LRP5: variants seen among roughly 807,000 people sequenced by gnomAD.
LRP5 encodes the protein low-density lipoprotein receptor-related protein 5.
In LRP5, 62 loss-of-function variants were observed where a neutral mutation model predicts 154.1. The ratio of observed to expected loss-of-function variants is 0.40; its 90% CI spans 0.33 to 0.50. LRP5 has a LOEUF of 0.50. Ranked by LOEUF, LRP5 falls within the 20% of genes least tolerant of loss-of-function variation. LRP5 has a pLI of 0.55. For missense variants in LRP5, 1,915 were observed against 2,336.7 expected (o/e 0.82, Z 3.72); for synonymous variants, 966 against 1,011.5 (o/e 0.96, Z 0.85).
chr11:68,433,119 C>T (rs1187163691), intron 17 of LRP5, among the ~76,000 whole-genome samples: 3 of 152,214 alleles, frequency 2.0e-5, no homozygotes, highest in Non-Finnish European at 2.9e-5. Context: ...TGTAGCAGTC[C>T]CACACCCGCA....
At chr11:68,405,574 A>G (rs760162335) in intron 8 of LRP5, among the ~76,000 whole-genome samples, 4 of 152,120 alleles carry the variant, frequency 2.6e-5, no homozygotes, top group African/African-American at 4.8e-5. Context: ...GATAAGACAA[A>G]AGGGTGCCTC....
chr11:68,361,033 C>A (rs1303394134), intron 3 of LRP5, among the ~76,000 whole-genome samples: 1 of 120,632 alleles, frequency 8.3e-6, no homozygotes, highest in African/African-American at 3.1e-5. Flanking sequence ...AGGCTGGGCG[C>A]GGTGGCTCAC....
intron 10 of LRP5, among the ~76,000 whole-genome samples, chr11:68,411,045 G>A (rs554097279): frequency 3.9e-5 from 6 of 152,270 alleles, no homozygotes; most frequent in African/African-American, 1.4e-4. Flanking sequence ...ATCCCGCAAG[G>A]CCTCCCCTGC....
At chr11:68,330,306 T>G (rs922493937) in intron 1 of LRP5, among the ~76,000 whole-genome samples, 3 of 151,028 alleles carry the variant, frequency 2.0e-5, no homozygotes, top group Non-Finnish European at 4.4e-5. Flanking sequence ...TAAAACACAG[T>G]TAGTGGAGGA....
At chr11:68,376,977 T>C (rs1321875481) in intron 5 of LRP5, among the ~76,000 whole-genome samples, 1 of 152,164 alleles carries the variant, frequency 6.6e-6, no homozygotes, top group Non-Finnish European at 1.5e-5. Flanking sequence ...CAAGGGGGTG[T>C]GAGTGTTTAG....
At chr11:68,310,481 G>A (rs1480222236), upstream of LRP5, among the ~76,000 whole-genome samples, 2 of 152,148 alleles carry the variant, frequency 1.3e-5, no homozygotes. Context: ...TAAGCTGGGC[G>A]TGGTGGCACA....
chr11:68,405,013 G>A (rs910552181), intron 8 of LRP5, among the ~76,000 whole-genome samples: 2 of 150,340 alleles, frequency 1.3e-5, no homozygotes, highest in African/African-American at 4.9e-5. Flanking sequence ...AAAAAAATTA[G>A]TCTGGGTGTG....
rs59893808 is a variant in LRP5 at position 68,319,072 on chromosome 11, G to GTTTTT, written c.91+6286_91+6290dup. Among the ~76,000 whole-genome samples the GTTTTT allele has an allele frequency of 7.6e-5, 7 of 92,248 alleles. No homozygotes were observed. In the East Asian group the frequency reaches 1.5e-3, roughly 20 times the overall value. The allele number at this position is 92,248 out of a possible 152,430, so 60.5% of individuals were successfully genotyped here. On this transcript the variant is annotated intron_variant, in intron 1 of 22. Transcript: ENST00000294304. The stretch of plus-strand genomic sequence containing the variant: ...CTCACCCCACCGTGCCTGGCTCCTT[G>GTTTTT]TTTTTTTTTTTTTTTTTTTTTTTGA...
rs1223467551 is a variant in LRP5 at position 68,411,496 on chromosome 11, G to A, written c.2379G>A (p.Gly793=). The A allele has an allele frequency of 6.2e-7, 1 of 1,613,626 alleles. No homozygotes were observed. The highest frequency in any genetic ancestry group is 1.7e-5 in the Admixed American group (1 of 60,028). The change falls in exon 11 of 23, where the codon GGG becomes GGA. Residue 793 remains glycine, a synonymous_variant. Coordinates refer to ENST00000294304, the MANE Select transcript of LRP5 (RefSeq NM_002335.4). ...KPRIVRAFMD[G]TNCMTLVDKV... ...GGATCGTGCGGGCCTTCATGGACGG[G>A]ACCAACTGCATGACGCTGGTGGACA...
intron 21 of LRP5, among the ~76,000 whole-genome samples, chr11:68,443,544 CATATATATATAT>C (rs1157048489): frequency 1.7e-3 from 39 of 22,316 alleles, no homozygotes; most frequent in Non-Finnish European, 2.1e-3. Context: ...TCTTTTATGG[CATATATATATAT>C]ATATATATAT....
intron 16 of LRP5, among the ~76,000 whole-genome samples, chr11:68,429,282 G>T (rs2153176073): frequency 6.6e-6 from 1 of 152,232 alleles, no homozygotes; most frequent in South Asian, 2.1e-4. Flanking sequence ...AGAGACAAGT[G>T]GGCAGTTCAG....
intron 20 of LRP5, among the ~76,000 whole-genome samples, chr11:68,438,928 A>T (rs992434344): frequency 6.6e-6 from 1 of 152,190 alleles, no homozygotes; most frequent in African/African-American, 2.4e-5. Context: ...AGCTCCTTGG[A>T]CTTGACCTTC....
chr11:68,334,793 G>A (rs1040565974), intron 1 of LRP5, among the ~76,000 whole-genome samples: 1 of 152,144 alleles, frequency 6.6e-6, no homozygotes, highest in South Asian at 2.1e-4. Context: ...TTGAACCTGG[G>A]AGGCGGAGGT....
At chr11:68,337,134 T>C (rs2098606136) in intron 1 of LRP5, among the ~76,000 whole-genome samples, 1 of 152,242 alleles carries the variant, frequency 6.6e-6, no homozygotes. Flanking sequence ...CCCAGGTGTT[T>C]CTGAAGGAGA....
At chr11:68,396,466 C>T (rs949303430) in intron 7 of LRP5, among the ~76,000 whole-genome samples, 3 of 152,182 alleles carry the variant, frequency 2.0e-5, no homozygotes, top group African/African-American at 7.2e-5. Context: ...CCTTTGAACA[C>T]AATCAGGCTC....
intron 3 of LRP5, among the ~76,000 whole-genome samples, chr11:68,358,883 A>G (rs764036869): frequency 6.6e-6 from 1 of 152,192 alleles, no homozygotes; most frequent in Non-Finnish European, 1.5e-5. Flanking sequence ...GGCAGACCCC[A>G]TTCCTGCACT....
At chr11:68,362,322 T>A (rs945573230) in intron 3 of LRP5, among the ~76,000 whole-genome samples, 8 of 152,160 alleles carry the variant, frequency 5.3e-5, no homozygotes, top group African/African-American at 1.9e-4. Flanking sequence ...GGAAGTGCTT[T>A]GGAACTAGAC....
rs2098624268 is a variant in LRP5 at position 68,357,683 on chromosome 11, C to G, written c.522C>G (p.Pro174=). The G allele has an allele frequency of 6.2e-7, 1 of 1,613,976 alleles. No individual in the cohort carries two copies. The highest frequency in any genetic ancestry group is 1.7e-5 in the Admixed American group (1 of 59,984). ...ACTGGACAGACTGGGGTGAGACGCC[C>G]CGGATTGAGCGGGCAGGGATGGATG... ...YMYWTDWGET[P]RIERAGMDGS... The change falls in exon 3 of 23, where the codon CCC becomes CCG. Residue 174 remains proline, a synonymous_variant. Coordinates refer to ENST00000294304, the MANE Select transcript of LRP5 (RefSeq NM_002335.4).
intron 2 of LRP5, among the ~76,000 whole-genome samples, chr11:68,349,095 C>T (rs962368778): frequency 3.5e-5 from 5 of 144,676 alleles, no homozygotes; most frequent in Non-Finnish European, 7.5e-5. Context: ...TGCAGTGGCA[C>T]AATCTCGGCT....
Sources: allele counts gnomAD v4.1 joint callset (sites outside exome capture counted in the v4.1 genomes callset), GRCh38; gene constraint gnomAD v4.1.1; transcripts MANE v1.5; gene names NCBI Gene and HGNC (gene_info 2026-07-23, HGNC 2026-07-21).